The following RBFOX3 variants were observed in gnomAD, a reference collection of about 807,000 sequenced individuals.
The protein encoded by RBFOX3 is RNA binding fox-1 homolog 3, also known as RNA binding protein fox-1 homolog 3.
RBFOX3 carries 17 observed loss-of-function variants against 48.7 expected under a neutral mutation model. The ratio of observed to expected loss-of-function variants is 0.35; its 90% CI spans 0.24 to 0.52. The LOEUF (loss-of-function observed/expected upper bound fraction) is 0.52, where lower values mean the gene tolerates loss of function less well. RBFOX3 is among the 20% of genes least tolerant of loss of function. RBFOX3 has a pLI of 0.94. For synonymous variants in RBFOX3, 212 were observed against 209.5 expected, an observed-to-expected ratio of 1.01 and a Z score of -0.10; for missense variants, 382 against 497.5, an observed-to-expected ratio of 0.77 and a Z score of 2.21.
chr17:79,249,376 G>A lies in RBFOX3; in HGVS notation c.-73-13571C>T, dbSNP rs1357792135. On this transcript the variant is annotated intron_variant, in intron 3 of 14. Transcript: ENST00000693108. This position sits in a 1 kb window ranked among gnomAD's most constrained non-coding sequence, Gnocchi z 4.1. ...CGGCTCCAATGCTGCTGCAGTCACC[G>A]TCTTTTATTCCCTGTATTCTGATGC... 2.0e-5 allele frequency among the ~76,000 whole-genome samples: 3 copies of A among 152,102 alleles called. No homozygotes were observed. Among genetic ancestry groups the A allele is most frequent in the Non-Finnish European group, 2.9e-5 (2 of 68,030 alleles).
intron 3 of RBFOX3, among the ~76,000 whole-genome samples, chr17:79,267,084 G>A (rs191604781): frequency 6.6e-6 from 1 of 152,254 alleles, no homozygotes; most frequent in Non-Finnish European, 1.5e-5. Context: ...GTGGTCTTGT[G>A]GGGGACTTTG....
intron 1 of RBFOX3, among the ~76,000 whole-genome samples, chr17:79,513,533 C>T (rs1331482501): frequency 1.3e-5 from 2 of 152,244 alleles, no homozygotes; most frequent in African/African-American, 4.8e-5. Context: ...CCTGTGGACC[C>T]CCATCCCCAC....
chr17:79,568,955 C>A (rs1406823245), intron 1 of RBFOX3, among the ~76,000 whole-genome samples: 1 of 152,076 alleles, frequency 6.6e-6, no homozygotes, highest in Non-Finnish European at 1.5e-5. Context: ...GCTACCTCCC[C>A]ACTAGATGCT....
At chr17:79,270,658 G>A (rs1207016674) in intron 3 of RBFOX3, among the ~76,000 whole-genome samples, 1 of 152,260 alleles carries the variant, frequency 6.6e-6, no homozygotes, top group Non-Finnish European at 1.5e-5. Flanking sequence ...CAGGTGCAGC[G>A]CCTGCAAAGA....
chr17:79,350,667 G>A (rs923530490), intron 2 of RBFOX3, among the ~76,000 whole-genome samples: 13 of 152,180 alleles, frequency 8.5e-5, no homozygotes, highest in East Asian at 1.9e-4. Flanking sequence ...GAATGACCAC[G>A]GCTCACATGC....
At chr17:79,612,075 T>C (rs2093973830), upstream of RBFOX3, among the ~76,000 whole-genome samples, 1 of 152,070 alleles carries the variant, frequency 6.6e-6, no homozygotes. Context: ...AGAGATCTAT[T>C]GCTGGGGTCA....
In RBFOX3 at chr17:79,215,310, C is replaced by T. The variant is rs567599580; in HGVS notation, c.-34+20456G>A. 3.9e-5 allele frequency among the ~76,000 whole-genome samples: 6 copies of T among 152,308 alleles called. No individual in the cohort carries two copies. The South Asian group carries it at 6.2e-4, about 16-fold the overall frequency. ...GGTCCTCCGCTCTGGGCTGCAGCCC[C>T]GTCAACCAAAGAGTCACACTGGTTT... On this transcript the variant is annotated intron_variant, in intron 4 of 14. Transcript: ENST00000693108.
At chr17:79,275,022 G>T (rs549186842) in intron 3 of RBFOX3, among the ~76,000 whole-genome samples, 1 of 135,914 alleles carries the variant, frequency 7.4e-6, no homozygotes, top group African/African-American at 2.8e-5. Context: ...CCAGAGCTAG[G>T]AGCCAAACTG....
chr17:79,650,290 T>C, the RBFOX3 span, among the ~76,000 whole-genome samples: 3 of 152,006 alleles, frequency 2.0e-5, no homozygotes, highest in African/African-American at 7.2e-5. Context: ...TAATGCTGGA[T>C]GCCCGGGCCG....
chr17:79,617,460 A>G, the RBFOX3 span, among the ~76,000 whole-genome samples: 1 of 152,076 alleles, frequency 6.6e-6, no homozygotes, highest in Non-Finnish European at 1.5e-5. Flanking sequence ...GTCACCAGGG[A>G]AGGCTGAATC....
intron 1 of RBFOX3, among the ~76,000 whole-genome samples, chr17:79,570,729 G>A (rs1475417475): frequency 1.3e-5 from 2 of 152,194 alleles, no homozygotes; most frequent in Non-Finnish European, 2.9e-5. Context: ...ACTCTAGGGT[G>A]GAGCTCACAG....
chr17:79,517,368 C>G (rs2085388268), intron 1 of RBFOX3, among the ~76,000 whole-genome samples: 1 of 150,560 alleles, frequency 6.6e-6, no homozygotes. Flanking sequence ...TCGCTTGAAC[C>G]CAGGGGGCGG....
intron 1 of RBFOX3, among the ~76,000 whole-genome samples, chr17:79,515,670 C>T (rs80106764): frequency 6.6e-6 from 1 of 152,184 alleles, no homozygotes; most frequent in Non-Finnish European, 1.5e-5. Flanking sequence ...CACATTGCCC[C>T]TAAGTACCCA....
chr17:79,326,175 G>C (rs9899636), intron 2 of RBFOX3, among the ~76,000 whole-genome samples: 33,631 of 152,120 alleles, frequency 0.22, 4,294 homozygotes, highest in Middle Eastern at 0.39. Flanking sequence ...AGGAGGCCGG[G>C]GATGGGGGTG....
the RBFOX3 span, among the ~76,000 whole-genome samples, chr17:79,623,310 G>A: frequency 7.9e-5 from 12 of 152,312 alleles, no homozygotes; most frequent in African/African-American, 2.2e-4. Flanking sequence ...CAGCCTGGGC[G>A]CTGAGTTTGA....
At chr17:79,523,249 G>C (rs1420317807) in intron 1 of RBFOX3, among the ~76,000 whole-genome samples, 1 of 152,110 alleles carries the variant, frequency 6.6e-6, no homozygotes. Flanking sequence ...ACAACAAGGT[G>C]AATGCTCTAC....
rs1372413571 is a variant in RBFOX3, at chr17:79,214,117, G to C, written c.-34+21649C>G. On this transcript the variant is annotated intron_variant, in intron 4 of 14. Transcript: ENST00000693108. This position sits in a 1 kb window ranked among gnomAD's most constrained non-coding sequence, Gnocchi z 4.7. ...GAGGGACTGAAATAAATGGAGTCAA[G>C]TGAACTTCTTTGGTAAACCATGATG... Among the ~76,000 whole-genome samples the C allele has an allele frequency of 2.6e-5, 4 of 152,166 alleles. No homozygotes were observed. The highest frequency in any genetic ancestry group is 4.4e-5 in the Non-Finnish European group (3 of 68,034).
chr17:79,101,722 C>T, intron 8 of RBFOX3, 78 bp from the exon 9 acceptor site: 5 of 1,316,324 alleles, frequency 3.8e-6, no homozygotes, highest in Non-Finnish European at 5.4e-6. Context: ...CCTCCCCGCC[C>T]TGCTCCGTTA....
intron 1 of RBFOX3, among the ~76,000 whole-genome samples, chr17:79,528,267 G>A (rs925326587): frequency 1.3e-5 from 2 of 151,652 alleles, no homozygotes; most frequent in Non-Finnish European, 2.9e-5. Flanking sequence ...GTACCTCTGA[G>A]TAGGATCTTA....
Sources: allele counts gnomAD v4.1 joint callset (sites outside exome capture counted in the v4.1 genomes callset), GRCh38; gene constraint gnomAD v4.1.1; non-coding constraint Gnocchi (gnomAD v3.1); transcripts MANE v1.5; gene names NCBI Gene and HGNC (gene_info 2026-07-23, HGNC 2026-07-21).